MYH13: variants seen among roughly 807,000 people sequenced by gnomAD.
MYH13 encodes myosin-13.
A neutral mutation model predicts 232.1 loss-of-function variants in MYH13; 177 were observed. The ratio of observed to expected loss-of-function variants is 0.76; its 90% CI spans 0.67 to 0.86. The LOEUF (loss-of-function observed/expected upper bound fraction) is 0.86, where lower values mean the gene tolerates loss of function less well. Ranked by LOEUF, MYH13 falls within the 40% of genes least tolerant of loss-of-function variation. MYH13 has a pLI of 0.00. For missense variants in MYH13, 2,246 were observed against 2,405.9 expected (o/e 0.93, Z 1.39); for synonymous variants, 884 against 923.5 (o/e 0.96, Z 0.78).
At chr17:10,312,509 A>T in intron 31 of MYH13, 65 bp downstream of exon 31, 1 of 1,512,446 alleles carries the variant, frequency 6.6e-7, no homozygotes, top group Non-Finnish European at 8.9e-7. Context: ...TTTCATGTAA[A>T]TAGCATTTCC....
At position 10,362,382 on chromosome 17, in the gene MYH13, C is replaced by T. The variant is rs553455567; in HGVS notation, c.326G>A (p.Arg109His). The change falls in exon 4 of 41, where the codon CGC (arginine) becomes CAC (histidine). Residue 109 changes from arginine (R) to histidine (H), a missense_variant. Coordinates refer to ENST00000252172, the MANE Select transcript of MYH13 (RefSeq NM_003802.3). ...EPAVLYNLKE[R>H]YAAWMIYTYS... ...CACGTAGATCATCCAGGCTGCATAG[C>T]GCTCTTTGAGGTTGTACAGAACAGC... The T allele has an allele frequency of 1.7e-5, 28 of 1,614,150 alleles. No homozygotes were observed. The highest frequency in any genetic ancestry group is 3.3e-5 in the South Asian group (3 of 91,076).
intron 2 of MYH13, among the ~76,000 whole-genome samples, chr17:10,370,704 T>C (rs1193661865): frequency 6.6e-6 from 1 of 152,220 alleles, no homozygotes; most frequent in Non-Finnish European, 1.5e-5. Flanking sequence ...CTTGGCTTTT[T>C]TGGTCCCAAT....
chr17:10,318,497 C>T (rs530516692), intron 27 of MYH13, among the ~76,000 whole-genome samples: 1 of 152,216 alleles, frequency 6.6e-6, no homozygotes, highest in Non-Finnish European at 1.5e-5. Flanking sequence ...AGGCCTCCGA[C>T]AGACACCGAA....
chr17:10,338,058 G>GA (rs1392687881), intron 18 of MYH13, among the ~76,000 whole-genome samples: 1 of 151,474 alleles, frequency 6.6e-6, no homozygotes, highest in African/African-American at 2.4e-5. Flanking sequence ...TCTCAAAAAA[G>GA]AAAAAAAAGT....
Position 10,304,954 on chromosome 17 carries a change from G to A in MYH13, c.5467-1456C>T, listed in dbSNP as rs186363553. Reference sequence around the variant, plus strand: ...CTCCACTCCACTGGGAATCCCAGTGGCTGCAGAGCAGGGCCAACTCTGGGC... The same window carrying A: ...CTCCACTCCACTGGGAATCCCAGTGACTGCAGAGCAGGGCCAACTCTGGGC... On this transcript the variant is annotated intron_variant, in intron 37 of 40. Coordinates refer to ENST00000252172, the MANE Select transcript of MYH13 (RefSeq NM_003802.3). This position sits in a 1 kb window ranked among gnomAD's most constrained non-coding sequence, Gnocchi z 5.3. Among the ~76,000 whole-genome samples the A allele has an allele frequency of 2.0e-5, 3 of 152,288 alleles. No individual in the cohort carries two copies. The highest frequency in any genetic ancestry group is 7.2e-5 in the African/African-American group (3 of 41,570).
chr17:10,306,011 G>A lies in MYH13; in HGVS notation c.5466+448C>T, dbSNP rs1237052587. On this transcript the variant is annotated intron_variant, in intron 37 of 40. Coordinates refer to ENST00000252172, the MANE Select transcript of MYH13 (RefSeq NM_003802.3). This position sits in a 1 kb window ranked among gnomAD's most constrained non-coding sequence, Gnocchi z 4.3. ...AGATTGGGAGAAAACGGAAACTGCAGATTTTATGTAGGATGGGCTGTGTTG... is the reference window on the plus strand; with the variant it reads ...AGATTGGGAGAAAACGGAAACTGCAAATTTTATGTAGGATGGGCTGTGTTG... Among the ~76,000 whole-genome samples, 1 of 152,184 alleles carries A rather than the reference G, an allele frequency of 6.6e-6. No individual in the cohort carries two copies. Among genetic ancestry groups the A allele is most frequent in the East Asian group, 1.9e-4 (1 of 5,192 alleles).
At chr17:10,334,115 A>G (rs1907506325) in intron 18 of MYH13, among the ~76,000 whole-genome samples, 1 of 152,142 alleles carries the variant, frequency 6.6e-6, no homozygotes, top group Non-Finnish European at 1.5e-5. Context: ...GCACAAATCA[A>G]ACTAGGATGG....
At chr17:10,308,327 CA>C (rs35385439) in intron 35 of MYH13, among the ~76,000 whole-genome samples, 64,731 of 123,480 alleles carry the variant, frequency 0.52, 14,925 homozygotes, top group African/African-American at 0.59. Context: ...TGCTCTGTCT[CA>C]AAAAAAAAAA....
rs149559480 is a variant in MYH13 at position 10,310,497 on chromosome 17, G to C, written c.4656+606C>G. On this transcript the variant is annotated intron_variant, in intron 33 of 40. Transcript: ENST00000252172. ...AATATCCCTAATAGTGATGAAACTG[G>C]GACTAAAACTTTGCATCGCTCATGA... Among the ~76,000 whole-genome samples, 981 of 152,172 alleles carry C rather than the reference G, an allele frequency of 6.4e-3. 14 individuals are homozygous for C. The highest frequency in any genetic ancestry group is 0.022 in the African/African-American group (927 of 41,488).
At chr17:10,301,853 G>A (rs775161715) in intron 39 of MYH13, 150 bp from the exon 40 acceptor site, 2 of 1,092,740 alleles carry the variant, frequency 1.8e-6, no homozygotes, top group Non-Finnish European at 2.6e-6. Flanking sequence ...TCCAGCGTGT[G>A]AGGACAAGGC....
intron 27 of MYH13, among the ~76,000 whole-genome samples, chr17:10,317,341 A>G (rs917994992): frequency 1.3e-5 from 2 of 152,206 alleles, no homozygotes; most frequent in African/African-American, 4.8e-5. Flanking sequence ...AGAGAAAAGG[A>G]GTCATCAGCC....
intron 32 of MYH13, 139 bp from the exon 33 acceptor site, chr17:10,311,366 G>A (rs888179693): frequency 2.9e-6 from 3 of 1,034,786 alleles, no homozygotes; most frequent in African/African-American, 1.6e-5. Context: ...TTCAGATGAG[G>A]TGTTGGCAAG....
chr17:10,322,259 A>G lies in MYH13; in HGVS notation c.2935-551T>C, dbSNP rs143279370. ...TACAAAAAAAAAAAATTAGCCAGGC[A>G]TGGTGGTGGGCACCTGTAGTCCCAG... On this transcript the variant is annotated intron_variant, in intron 23 of 40. Coordinates refer to ENST00000252172, the MANE Select transcript of MYH13 (RefSeq NM_003802.3). Among the ~76,000 whole-genome samples the G allele has an allele frequency of 2.8e-3, 418 of 151,994 alleles. 6 individuals are homozygous for G. Among genetic ancestry groups the G allele is most frequent in the South Asian group, 0.022 (107 of 4,814 alleles).
intron 40 of MYH13, 58 bp downstream of exon 40, chr17:10,301,511 C>A: frequency 2.5e-6 from 4 of 1,605,684 alleles, no homozygotes; most frequent in Non-Finnish European, 2.6e-6. Flanking sequence ...TCTTACCTGG[C>A]CCCCATATTC....
At position 10,332,241 on chromosome 17, in the gene MYH13, T is replaced by G. The variant is rs1907433555; in HGVS notation, c.2175-19A>C. On this transcript the variant is annotated intron_variant, in intron 19 of 40. Coordinates refer to ENST00000252172, the MANE Select transcript of MYH13 (RefSeq NM_003802.3). ...CCGGTACCTAAGGAGAGAGGACATT[T>G]CCCAAATGGATTCCAATCCCCGAAA... The G allele has an allele frequency of 6.2e-7, 1 of 1,611,692 alleles. No individual in the cohort carries two copies.
chr17:10,322,765 C>T (rs780790481), intron 23 of MYH13, among the ~76,000 whole-genome samples: 58 of 151,464 alleles, frequency 3.8e-4, no homozygotes, highest in Non-Finnish European at 6.9e-4. Flanking sequence ...TCCTGAGTAG[C>T]TGGGACTACA....
At chr17:10,366,315 CAA>C (rs1256180124) in intron 2 of MYH13, among the ~76,000 whole-genome samples, 1 of 151,354 alleles carries the variant, frequency 6.6e-6, no homozygotes. Context: ...AAAATGGAGT[CAA>C]GTCATACACA....
intron 33 of MYH13, among the ~76,000 whole-genome samples, chr17:10,310,739 G>C (rs1302687456): frequency 6.6e-6 from 1 of 152,186 alleles, no homozygotes; most frequent in East Asian, 1.9e-4. Context: ...GATGCTGGGT[G>C]TGTTTGGATT....
intron 37 of MYH13, among the ~76,000 whole-genome samples, chr17:10,305,239 C>G (rs998634444): frequency 1.2e-4 from 18 of 152,178 alleles, no homozygotes; most frequent in Non-Finnish European, 2.2e-4. Context: ...TCCCCGCCAA[C>G]CCAGGAATCA....
Sources: allele counts gnomAD v4.1 joint callset (sites outside exome capture counted in the v4.1 genomes callset), GRCh38; gene constraint gnomAD v4.1.1; non-coding constraint Gnocchi (gnomAD v3.1); transcripts MANE v1.5; gene names NCBI Gene and HGNC (gene_info 2026-07-23, HGNC 2026-07-21).